The following P3H2 variants were observed in gnomAD, a reference collection of about 807,000 sequenced individuals.
The protein encoded by P3H2 is prolyl 3-hydroxylase 2, also known as leprecan-like 1.
A neutral mutation model predicts 87.0 loss-of-function variants in P3H2; 80 were observed. That is an observed-to-expected ratio of 0.92 (90% confidence interval 0.77 to 1.11). The LOEUF (loss-of-function observed/expected upper bound fraction) is 1.11. Among genes scored for constraint, P3H2 ranks in the 50% least tolerant of loss-of-function variants. The probability of loss-of-function intolerance (pLI) is 0.00; values close to 1 mark genes in which losing one functional copy is unlikely to be tolerated. For synonymous variants in P3H2, 367 were observed against 359.3 expected, an observed-to-expected ratio of 1.02 and a Z score of -0.24; for missense variants, 1,001 against 923.9, an observed-to-expected ratio of 1.08 and a Z score of -1.08.
intron 1 of P3H2, among the ~76,000 whole-genome samples, chr3:190,081,992 G>A (rs1342869129): frequency 4.6e-5 from 7 of 152,180 alleles, no homozygotes; most frequent in African/African-American, 7.2e-5. Flanking sequence ...AATGGGTCAC[G>A]CCTGTAATCC....
intron 1 of P3H2, among the ~76,000 whole-genome samples, chr3:190,033,651 T>C (rs1725326396): frequency 6.6e-6 from 1 of 152,196 alleles, no homozygotes; most frequent in Non-Finnish European, 1.5e-5. Flanking sequence ...CGGCCTTCAT[T>C]CCATTTGGAT....
intron 1 of P3H2, among the ~76,000 whole-genome samples, chr3:190,113,300 G>T (rs922087037): frequency 6.6e-6 from 1 of 150,380 alleles, no homozygotes; most frequent in Non-Finnish European, 1.5e-5. Flanking sequence ...TAAGTGACAG[G>T]GATAGATTTT....
In P3H2 at chr3:190,027,958, A is replaced by G. The variant is rs1409333913; in HGVS notation, c.481-32516T>C. On this transcript the variant is annotated intron_variant, in intron 1 of 14. Coordinates refer to ENST00000319332, the MANE Select transcript of P3H2 (RefSeq NM_018192.4). ...ACTCTAGCCTGGGCGACAGAGCAAG[A>G]CTCCATCGCAAAAAAAAAAAAAATA... Among the ~76,000 whole-genome samples the G allele has an allele frequency of 2.9e-5, 4 of 137,372 alleles. No individual in the cohort carries two copies. In the East Asian group the frequency reaches 9.3e-4, roughly 32 times the overall value. The allele number at this position is 137,372 out of a possible 152,430, so 90.1% of individuals were successfully genotyped here.
At chr3:190,070,483 G>A (rs568193523) in intron 1 of P3H2, among the ~76,000 whole-genome samples, 1 of 152,086 alleles carries the variant, frequency 6.6e-6, no homozygotes, top group African/African-American at 2.4e-5. Flanking sequence ...TGTCCTTCAT[G>A]AGGGTATCCA....
chr3:190,060,733 C>G (rs1377437505), intron 1 of P3H2, among the ~76,000 whole-genome samples: 1 of 151,990 alleles, frequency 6.6e-6, no homozygotes, highest in Non-Finnish European at 1.5e-5. Context: ...TCCACTGTCT[C>G]ATAAATGGAT....
chr3:190,087,000 T>C (rs538629032), intron 1 of P3H2, among the ~76,000 whole-genome samples: 17 of 152,304 alleles, frequency 1.1e-4, no homozygotes, highest in Non-Finnish European at 2.1e-4. Context: ...TATTTACACA[T>C]AAGAGCAGTA....
chr3:189,986,414 A>G (rs201937931), intron 6 of P3H2, among the ~76,000 whole-genome samples: 23 of 151,904 alleles, frequency 1.5e-4, no homozygotes, highest in African/African-American at 5.6e-4. Flanking sequence ...GTGAAACCCC[A>G]TCTCTACTAA....
chr3:190,041,108 C>CTA lies in P3H2; in HGVS notation c.481-45668_481-45667dup, dbSNP rs146930683. ...CTCTCTCTCTATATATATATATATA[C>CTA]TATATATATATATATAAGCTGGGCA... On this transcript the variant is annotated intron_variant, in intron 1 of 14. Coordinates refer to ENST00000319332, the MANE Select transcript of P3H2 (RefSeq NM_018192.4). Among the ~76,000 whole-genome samples the CTA allele has an allele frequency of 2.2e-4, 10 of 45,136 alleles. 2 individuals are homozygous for CTA. In the East Asian group the frequency reaches 3.3e-3, roughly 15 times the overall value. The allele number at this position is 45,136 out of a possible 152,430, so 29.6% of individuals were successfully genotyped here. A position where few individuals can be genotyped will look rare whatever the true frequency, so the allele number is the denominator to read the frequency against.
chr3:190,057,119 C>A (rs1235478611), intron 1 of P3H2, among the ~76,000 whole-genome samples: 1 of 152,132 alleles, frequency 6.6e-6, no homozygotes, highest in African/African-American at 2.4e-5. Context: ...ACCTACAAAT[C>A]AACTTGAAAA....
chr3:190,120,478 G>A lies in P3H2; in HGVS notation c.254C>T (p.Ala85Val). The A allele has an allele frequency of 2.1e-6, 3 of 1,440,304 alleles. No individual in the cohort carries two copies. The highest frequency in any genetic ancestry group is 2.7e-6 in the Non-Finnish European group (3 of 1,104,168). 89.2% of individuals were successfully genotyped at this position (1,440,304 alleles called of 1,614,324 possible). Residue 85 changes from alanine to valine, a missense_variant, in exon 1 of 15, where the codon GCC (alanine) becomes GTC (valine). Transcript: ENST00000319332. ...RRLREIRTRC[A>V]RHCAARHPLP... Reference sequence around the variant, plus strand: ...CGGGTGGCGCGCCGCGCAGTGGCGGGCACAGCGCGTGCGGATTTCCCGCAG... The same window carrying A: ...CGGGTGGCGCGCCGCGCAGTGGCGGACACAGCGCGTGCGGATTTCCCGCAG...
intron 1 of P3H2, among the ~76,000 whole-genome samples, chr3:190,043,548 AT>A (rs1725707347): frequency 6.6e-6 from 1 of 152,200 alleles, no homozygotes; most frequent in African/African-American, 2.4e-5. Flanking sequence ...ATTGATCTTT[AT>A]CCCCTCTCAC....
chr3:190,065,891 T>C (rs1042284522), intron 1 of P3H2, among the ~76,000 whole-genome samples: 1 of 152,108 alleles, frequency 6.6e-6, no homozygotes, highest in Non-Finnish European at 1.5e-5. Context: ...CCAGAGATTT[T>C]CATAGCTTGT....
intron 1 of P3H2, among the ~76,000 whole-genome samples, chr3:190,045,917 C>T (rs1362700465): frequency 2.0e-5 from 3 of 151,988 alleles, no homozygotes; most frequent in Non-Finnish European, 4.4e-5. Flanking sequence ...GTCAGGAGAT[C>T]GAGACCATCC....
upstream of P3H2, chr3:190,121,035 G>A (rs956524135): frequency 9.8e-6 from 4 of 406,362 alleles, no homozygotes; most frequent in Non-Finnish European, 1.7e-5. Flanking sequence ...ACACTCCAGC[G>A]CCAGCCAGAG....
At chr3:190,003,562 C>T (rs1168016085) in intron 1 of P3H2, among the ~76,000 whole-genome samples, 1 of 151,546 alleles carries the variant, frequency 6.6e-6, no homozygotes, top group African/African-American at 2.4e-5. Flanking sequence ...TAGACAAAAT[C>T]GCTCAAGTCA....
intron 1 of P3H2, among the ~76,000 whole-genome samples, chr3:190,028,686 G>A (rs1725159052): frequency 6.6e-6 from 1 of 151,914 alleles, no homozygotes; most frequent in Admixed American, 6.6e-5. Context: ...GACACTCTAT[G>A]TTTTACAATG....
At chr3:190,015,561 T>C (rs920299120) in intron 1 of P3H2, among the ~76,000 whole-genome samples, 2 of 152,080 alleles carry the variant, frequency 1.3e-5, no homozygotes, top group African/African-American at 2.4e-5. Context: ...ACTTTTTTTG[T>C]CTCCCTCAAT....
intron 9 of P3H2, 73 bp from the exon 10 acceptor site, chr3:189,974,077 G>A: frequency 8.0e-7 from 1 of 1,256,414 alleles, no homozygotes; most frequent in South Asian, 1.2e-5. Context: ...TGCTTTGGCT[G>A]CCAGAAAGCT....
chr3:190,100,774 A>G (rs1282680045), intron 1 of P3H2, among the ~76,000 whole-genome samples: 1 of 152,110 alleles, frequency 6.6e-6, no homozygotes, highest in Non-Finnish European at 1.5e-5. Flanking sequence ...AGTGCAGAAA[A>G]TGGTGTTTTT....
Sources: allele counts gnomAD v4.1 joint callset (sites outside exome capture counted in the v4.1 genomes callset), GRCh38; gene constraint gnomAD v4.1.1; transcripts MANE v1.5; gene names NCBI Gene and HGNC (gene_info 2026-07-23, HGNC 2026-07-21).